The following SCG3 variants were observed in gnomAD, a reference collection of about 807,000 sequenced individuals.
SCG3 encodes the protein secretogranin III.
A neutral mutation model predicts 56.2 loss-of-function variants in SCG3; 38 were observed. The ratio of observed to expected loss-of-function variants is 0.68; its 90% CI spans 0.52 to 0.89. The LOEUF (loss-of-function observed/expected upper bound fraction) is 0.89, where lower values mean the gene tolerates loss of function less well. Ranked by LOEUF, SCG3 falls within the 40% of genes least tolerant of loss-of-function variation. The probability of loss-of-function intolerance (pLI) is 0.00; values close to 1 mark genes in which losing one functional copy is unlikely to be tolerated. For missense variants in SCG3, 524 were observed against 540.7 expected, an observed-to-expected ratio of 0.97 and a Z score of 0.31; for synonymous variants, 176 against 184.2, an observed-to-expected ratio of 0.96 and a Z score of 0.36.
chr15:51,692,105 G>A (rs1049278766), intron 6 of SCG3, 54 bp from the exon 7 acceptor site: 3 of 1,501,040 alleles, frequency 2.0e-6, no homozygotes, highest in Non-Finnish European at 1.8e-6. Context: ...TCAAGCTGGA[G>A]TTTCACTAGT....
chr15:51,683,793 C>CA (rs1438364548), intron 4 of SCG3, among the ~76,000 whole-genome samples: 1 of 152,104 alleles, frequency 6.6e-6, no homozygotes, highest in Non-Finnish European at 1.5e-5. Flanking sequence ...CCACCCTGCA[C>CA]AAAAAAGGTG....
chr15:51,690,360 A>G (rs2055258715), intron 6 of SCG3, among the ~76,000 whole-genome samples: 1 of 152,188 alleles, frequency 6.6e-6, no homozygotes, highest in Non-Finnish European at 1.5e-5. Flanking sequence ...GAAACTGACC[A>G]TAAGGGGATA....
rs2305718 is a variant in SCG3, at chr15:51,692,034, G to C, written c.691-125G>C. The C allele has an allele frequency of 3.2e-3, 2,761 of 850,438 alleles. 81 individuals carry two copies. In the East Asian group the frequency reaches 0.059, roughly 18 times the overall value. 52.7% of individuals were successfully genotyped at this position (850,438 alleles called of 1,614,324 possible). A position where few individuals can be genotyped will look rare whatever the true frequency, so the allele number is the denominator to read the frequency against. ...TCTAGAAATGGGTTTGAACCTGCAGGAGCTTGCAAACGAGGGGGAATTCTT... is the reference window on the plus strand; with the variant it reads ...TCTAGAAATGGGTTTGAACCTGCAGCAGCTTGCAAACGAGGGGGAATTCTT... On this transcript the variant is annotated intron_variant, in intron 6 of 11. Coordinates refer to ENST00000220478, the MANE Select transcript of SCG3 (RefSeq NM_013243.4).
intron 6 of SCG3, among the ~76,000 whole-genome samples, chr15:51,690,132 G>T (rs1051959410): frequency 6.6e-6 from 1 of 152,148 alleles, no homozygotes; most frequent in African/African-American, 2.4e-5. Context: ...CAGCTTTTGT[G>T]TTCCCCAGAG....
At chr15:51,704,266 TATATATATATATAA>T (rs202246222) in intron 10 of SCG3, among the ~76,000 whole-genome samples, 1,681 of 135,932 alleles carry the variant, frequency 0.012, 33 homozygotes, top group East Asian at 0.089. Context: ...TATATATATA[TATATATATATATAA>T]AATAGCTCTT....
chr15:51,689,885 G>A (rs1403573554), intron 6 of SCG3, among the ~76,000 whole-genome samples: 1 of 152,040 alleles, frequency 6.6e-6, no homozygotes, highest in Non-Finnish European at 1.5e-5. Flanking sequence ...ATAATGTAAA[G>A]ATTATGTTAT....
intron 9 of SCG3, among the ~76,000 whole-genome samples, chr15:51,700,417 C>A (rs530260251): frequency 1.4e-4 from 21 of 152,224 alleles, no homozygotes; most frequent in African/African-American, 4.8e-4. Context: ...CAAATGGTTA[C>A]CTACTTTAAG....
rs1448292262 is a variant in SCG3, at chr15:51,683,121, C to G, written c.178C>G (p.Pro60Ala). Residue 60 changes from proline to alanine, a missense_variant, in exon 3 of 12, where the codon CCA becomes GCA. Coordinates refer to ENST00000220478, the MANE Select transcript of SCG3 (RefSeq NM_013243.4). Reference sequence around the variant, plus strand: ...AGACAAGATTAAAAAAACATATCCTCCAGGTAAAAAGAAATCATATTGATG... The same window carrying G: ...AGACAAGATTAAAAAAACATATCCTGCAGGTAAAAAGAAATCATATTGATG... ...EEDKIKKTYPPENKPGQSNYS... is the reference protein window; with the variant it reads ...EEDKIKKTYPAENKPGQSNYS... 6.2e-6 allele frequency: 10 copies of G among 1,608,228 alleles called. No homozygotes were observed. Among genetic ancestry groups the G allele is most frequent in the Non-Finnish European group, 7.6e-6 (9 of 1,177,206 alleles).
In SCG3 at chr15:51,695,786, A is replaced by G. The variant is rs1481947445; in HGVS notation, c.869-89A>G. On this transcript the variant is annotated intron_variant, in intron 7 of 11. Transcript: ENST00000220478. ...TGAAAAAAAAAAAAAACCCAAACAA[A>G]CAAACAAAAAGATGCTGTACTTTAT... 9 of 799,666 alleles carry G rather than the reference A, an allele frequency of 1.1e-5. No homozygotes were observed. In the East Asian group the frequency reaches 1.2e-4, roughly 11 times the overall value. The allele number at this position is 799,666 out of a possible 1,614,324, so 49.5% of individuals were successfully genotyped here.
rs1236604226 is a variant in SCG3 at position 51,720,851 on chromosome 15, T to A, written c.*1325T>A. Reference sequence around the variant, plus strand: ...TCAGCAGGATTCTAAAAGTAGACAATCACAGGGAGGATTGAAAAAAAGGGC... The same window carrying A: ...TCAGCAGGATTCTAAAAGTAGACAAACACAGGGAGGATTGAAAAAAAGGGC... On this transcript the variant is annotated 3_prime_UTR_variant, in exon 12 of 12. Coordinates refer to ENST00000220478, the MANE Select transcript of SCG3 (RefSeq NM_013243.4). 5.5e-6 allele frequency: 1 copy of A among 182,584 alleles called. No individual in the cohort carries two copies. The highest frequency in any genetic ancestry group is 1.1e-5 in the Non-Finnish European group (1 of 92,784). 11.3% of individuals were successfully genotyped at this position (182,584 alleles called of 1,614,324 possible). A position where few individuals can be genotyped will look rare whatever the true frequency, so the allele number is the denominator to read the frequency against.
chr15:51,701,168 A>G lies in SCG3; in HGVS notation c.1131A>G (p.Glu377=). 1 of 1,613,800 alleles carries G rather than the reference A, an allele frequency of 6.2e-7. No individual in the cohort carries two copies. The stretch of plus-strand genomic sequence containing the variant: ...CCAAGGAAGAAGCAGCTAAGATGGA[A>G]AAGGAATATGGAAGCTTGAAGGATT... ...DSTKEEAAKM[E]KEYGSLKDST... Residue 377 remains glutamate (E), a synonymous_variant, in exon 10 of 12, where the codon GAA becomes GAG. Coordinates refer to ENST00000220478, the MANE Select transcript of SCG3 (RefSeq NM_013243.4).
intron 7 of SCG3, among the ~76,000 whole-genome samples, chr15:51,694,650 T>C (rs971992090): frequency 1.3e-5 from 2 of 152,196 alleles, no homozygotes; most frequent in African/African-American, 4.8e-5. Context: ...TTTTTTCTGA[T>C]TTTAGAATTA....
intron 7 of SCG3, among the ~76,000 whole-genome samples, chr15:51,694,921 C>T (rs937792142): frequency 8.6e-5 from 13 of 151,936 alleles, no homozygotes; most frequent in East Asian, 1.9e-4. Flanking sequence ...ATCCCAGCTA[C>T]TCGGGAGGCT....
chr15:51,709,695 ATATATAT>A (rs1567222310), intron 10 of SCG3, among the ~76,000 whole-genome samples: 3 of 15,044 alleles, frequency 2.0e-4, no homozygotes, highest in African/African-American at 4.9e-4. Context: ...ATATATATAT[ATATATAT>A]TTTTTTTTTT....
chr15:51,701,204 T>C lies in SCG3; in HGVS notation c.1167T>C (p.Asp389=). ...EYGSLKDSTK[D]DNSNPGGKTD... ...GAAGCTTGAAGGATTCCACAAAAGA[T>C]GATAACTCCAACCCAGGAGGAAAGA... Residue 389 remains aspartate, a synonymous_variant, in exon 10 of 12, where the codon GAT becomes GAC. Coordinates refer to ENST00000220478, the MANE Select transcript of SCG3 (RefSeq NM_013243.4). The C allele has an allele frequency of 6.2e-7, 1 of 1,611,788 alleles. No homozygotes were observed.
chr15:51,688,900 A>T (rs990187329), intron 5 of SCG3, among the ~76,000 whole-genome samples: 3 of 152,190 alleles, frequency 2.0e-5, no homozygotes, highest in Non-Finnish European at 4.4e-5. Flanking sequence ...ATTTTGTAGG[A>T]TGTCAAAGGT....
intron 10 of SCG3, among the ~76,000 whole-genome samples, chr15:51,702,722 A>G (rs1411856873): frequency 2.0e-5 from 3 of 152,328 alleles, no homozygotes; most frequent in South Asian, 4.1e-4. Flanking sequence ...TAGTTACATC[A>G]TGGAAATTTA....
chr15:51,701,714 T>C (rs752222819), intron 10 of SCG3, among the ~76,000 whole-genome samples: 11 of 152,200 alleles, frequency 7.2e-5, no homozygotes, highest in Non-Finnish European at 1.5e-4. Context: ...GAGACCAGCC[T>C]GGGCAACATG....
chr15:51,710,642 A>G (rs1295492448), intron 10 of SCG3, among the ~76,000 whole-genome samples: 2 of 152,016 alleles, frequency 1.3e-5, no homozygotes, highest in Non-Finnish European at 2.9e-5. Flanking sequence ...GCTGGAGTGC[A>G]GTGGTGCAAT....
Sources: allele counts gnomAD v4.1 joint callset (sites outside exome capture counted in the v4.1 genomes callset), GRCh38; gene constraint gnomAD v4.1.1; transcripts MANE v1.5; gene names NCBI Gene and HGNC (gene_info 2026-07-23, HGNC 2026-07-21).